Variants in ZNF274 observed in about 807,000 individuals in gnomAD.
ZNF274 encodes the protein zinc finger protein 274, also known as neurotrophin receptor-interacting factor homolog.
ZNF274 carries 23 observed loss-of-function variants against 42.5 expected under a neutral mutation model. The ratio of observed to expected loss-of-function variants is 0.54; its 90% CI spans 0.39 to 0.77. The LOEUF is 0.77. Ranked by LOEUF, ZNF274 falls within the 30% of genes least tolerant of loss-of-function variation. ZNF274 has a pLI of 0.00. For synonymous variants in ZNF274, 292 were observed against 305.4 expected, an observed-to-expected ratio of 0.96 and a Z score of 0.46; for missense variants, 679 against 806.5, an observed-to-expected ratio of 0.84 and a Z score of 1.91.
intron 4 of ZNF274, among the ~76,000 whole-genome samples, chr19:58,199,717 A>G (rs2075887393): frequency 1.3e-5 from 2 of 152,268 alleles, no homozygotes. Flanking sequence ...CATCTCAAAA[A>G]GAAAGAAAAA....
At chr19:58,194,596 G>T (rs1488849478) in intron 4 of ZNF274, among the ~76,000 whole-genome samples, 4 of 151,836 alleles carry the variant, frequency 2.6e-5, no homozygotes, top group African/African-American at 9.7e-5. Flanking sequence ...GGCCAGGCTG[G>T]TCTCAAATCC....
intron 4 of ZNF274, among the ~76,000 whole-genome samples, chr19:58,188,702 A>G (rs796374516): frequency 7.3e-4 from 82 of 112,158 alleles, no homozygotes; most frequent in East Asian, 2.0e-3. Flanking sequence ...ATGTATATAT[A>G]TATATATATA....
At chr19:58,210,686 C>T (rs76424393) in intron 6 of ZNF274, 1,724 of 152,816 alleles carry the variant, frequency 0.011, 13 homozygotes, top group Non-Finnish European at 0.018. Context: ...CTCTGGCCAA[C>T]CTGTTTCATG....
intron 4 of ZNF274, among the ~76,000 whole-genome samples, chr19:58,201,171 A>ATTTTTTT (rs35433225): frequency 8.9e-6 from 1 of 112,710 alleles, no homozygotes. Context: ...CGCCTGGCTA[A>ATTTTTTT]TTTTTTTTTT....
At position 58,212,767 on chromosome 19, in the gene ZNF274, A is replaced by G; in HGVS notation, c.1586A>G (p.His529Arg). 1 of 1,614,038 alleles carries G rather than the reference A, an allele frequency of 6.2e-7. No individual in the cohort carries two copies. The highest frequency in any genetic ancestry group is 8.5e-7 in the Non-Finnish European group (1 of 1,179,900). The change falls in exon 8 of 8, where the codon CAT becomes CGT. Residue 529 changes from histidine (H) to arginine (R), a missense_variant. His to Arg is a conservative substitution (Grantham distance 29). Coordinates refer to ENST00000617501, the MANE Select transcript of ZNF274 (RefSeq NM_133502.3). The surrounding 1 kb of genome is among the most constrained non-coding windows in gnomAD (Gnocchi z 4.6). ...TACTTTTCTGTGCATAAGAAAATCC[A>G]TACCGGAGAGAGGCCCTATGTGTGT... ...PRYFSVHKKI[H>R]TGERPYVCQD...
At chr19:58,190,206 A>T (rs910562234) in intron 4 of ZNF274, among the ~76,000 whole-genome samples, 1 of 141,900 alleles carries the variant, frequency 7.0e-6, no homozygotes, top group Non-Finnish European at 1.5e-5. Context: ...GCTGTAGGGC[A>T]GTGCGATCTC....
At chr19:58,191,190 T>G (rs1600136741) in intron 4 of ZNF274, among the ~76,000 whole-genome samples, 1 of 152,164 alleles carries the variant, frequency 6.6e-6, no homozygotes, top group African/African-American at 2.4e-5. Context: ...CAGGCTGGAG[T>G]GCAGTGGTGC....
intron 4 of ZNF274, among the ~76,000 whole-genome samples, chr19:58,192,118 G>A (rs1042826894): frequency 4.6e-5 from 7 of 152,174 alleles, no homozygotes; most frequent in African/African-American, 1.7e-4. Flanking sequence ...TAGGATTGGT[G>A]GTGAAGACAG....
At chr19:58,209,759 G>A (rs553816803) in intron 5 of ZNF274, 12 of 505,272 alleles carry the variant, frequency 2.4e-5, no homozygotes, top group African/African-American at 5.9e-5. Flanking sequence ...GAGCCATCCC[G>A]GGCCCATCCA....
chr19:58,210,469 C>T (rs1303091925), intron 6 of ZNF274: 2 of 174,114 alleles, frequency 1.1e-5, no homozygotes, highest in African/African-American at 2.4e-5. Context: ...TTCAGAATAA[C>T]CCAGAGCTGG....
At chr19:58,201,540 G>T (rs2075911512) in intron 4 of ZNF274, among the ~76,000 whole-genome samples, 1 of 149,936 alleles carries the variant, frequency 6.7e-6, no homozygotes, top group Admixed American at 6.6e-5. Context: ...TTTCTGAGAT[G>T]GAGTCTTGCA....
chr19:58,199,578 C>T (rs949351931), intron 4 of ZNF274, among the ~76,000 whole-genome samples: 2 of 152,050 alleles, frequency 1.3e-5, no homozygotes, highest in African/African-American at 4.8e-5. Flanking sequence ...AAAACTTAGC[C>T]GGGCGTGGTG....
At position 58,212,975 on chromosome 19, in the gene ZNF274, A is replaced by G. The variant is rs2076061011; in HGVS notation, c.1794A>G (p.Lys598=). The G allele has an allele frequency of 6.2e-7, 1 of 1,613,968 alleles. No homozygotes were observed. Among genetic ancestry groups the G allele is most frequent in the South Asian group, 1.1e-5 (1 of 91,080 alleles). ...CCTACAAGTGTCAGGACTGTGGAAA[A>G]GCCTTCCGCCAGAGCTCCCACCTCA... ...AKPYKCQDCG[K]AFRQSSHLIR... is the part of the protein sequence containing the mutation. Residue 598 remains lysine (K), a synonymous_variant, in exon 8 of 8, where the codon AAA becomes AAG. Transcript: ENST00000617501. This position sits in a 1 kb window ranked among gnomAD's most constrained non-coding sequence, Gnocchi z 4.6.
chr19:58,194,371 C>CTTTTTT lies in ZNF274; in HGVS notation c.256+7349_256+7354dup, dbSNP rs766266627. Among the ~76,000 whole-genome samples, 218 of 64,174 alleles carry CTTTTTT rather than the reference C, an allele frequency of 3.4e-3. 11 individuals carry two copies. The highest frequency in any genetic ancestry group is 8.4e-3 in the African/African-American group (123 of 14,680). 42.1% of individuals were successfully genotyped at this position (64,174 alleles called of 152,430 possible). The stretch of plus-strand genomic sequence containing the variant: ...GTGTTTTTTGTGTTTTGTTTTTTAC[C>CTTTTTT]TTTTTTTTTTTTTTTTTTTTTTTTT... On this transcript the variant is annotated intron_variant, in intron 4 of 7. Coordinates refer to ENST00000617501, the MANE Select transcript of ZNF274 (RefSeq NM_133502.3).
Position 58,206,733 on chromosome 19 carries a change from C to T in ZNF274, c.270C>T (p.Leu90=), listed in dbSNP as rs759936045. The change falls in exon 5 of 8, where the codon CTC becomes CTT. Residue 90 remains leucine, a synonymous_variant. Coordinates refer to ENST00000617501, the MANE Select transcript of ZNF274 (RefSeq NM_133502.3). ...PQDTIPEYPE[L]QLDPKLDPLP... ...TTTGACTTACAGAGTATCCTGAGCT[C>T]CAGCTGGACCCTAAATTGGATCCTC... 1 of 1,583,562 alleles carries T rather than the reference C, an allele frequency of 6.3e-7. No individual in the cohort carries two copies. Among genetic ancestry groups the T allele is most frequent in the South Asian group, 1.2e-5 (1 of 86,924 alleles).
intron 6 of ZNF274, 112 bp downstream of exon 6, chr19:58,210,185 C>T (rs1009773027): frequency 1.9e-5 from 15 of 774,656 alleles, no homozygotes; most frequent in Non-Finnish European, 3.1e-5. Flanking sequence ...CAGGCTGGGA[C>T]ATTCTGAGAT....
chr19:58,210,130 C>G (rs980977889), intron 6 of ZNF274, 57 bp downstream of exon 6: 3 of 1,418,826 alleles, frequency 2.1e-6, no homozygotes, highest in Non-Finnish European at 3.0e-6. Context: ...GGCAGGCCCA[C>G]CCCTGAGGCA....
chr19:58,191,813 C>T (rs2075781859), intron 4 of ZNF274, among the ~76,000 whole-genome samples: 1 of 152,210 alleles, frequency 6.6e-6, no homozygotes. Flanking sequence ...CTCCTTCTTC[C>T]ACCTCACAGA....
rs1228638731 is a variant in ZNF274 at position 58,213,239 on chromosome 19, GA to G, written c.*98del. On this transcript the variant is annotated 3_prime_UTR_variant, in exon 8 of 8. Coordinates refer to ENST00000617501, the MANE Select transcript of ZNF274 (RefSeq NM_133502.3). ...GTGAATCAGGACTGAATGTGAAAGG[GA>G]AGTATTGAGTGAGGACATTCCCAAA... The G allele has an allele frequency of 6.8e-7, 1 of 1,469,552 alleles. No individual in the cohort carries two copies. Among genetic ancestry groups the G allele is most frequent in the African/African-American group, 1.4e-5 (1 of 70,920 alleles). 91.0% of individuals were successfully genotyped at this position (1,469,552 alleles called of 1,614,324 possible). A position where few individuals can be genotyped will look rare whatever the true frequency, so the allele number is the denominator to read the frequency against.
Sources: gnomAD v4.1 joint callset for allele counts (sites outside exome capture counted in the v4.1 genomes callset) on GRCh38, gnomAD v4.1.1 for gene constraint, Gnocchi (gnomAD v3.1) non-coding constraint, MANE v1.5 for transcripts, NCBI Gene and HGNC (gene_info 2026-07-23, HGNC 2026-07-21) for gene names.